Variants in PRKAR1A observed in about 807,000 individuals in gnomAD.
The protein encoded by PRKAR1A is protein kinase cAMP-dependent type I regulatory subunit alpha.
In PRKAR1A, 3 loss-of-function variants were observed where a neutral mutation model predicts 52.0. That is an observed-to-expected ratio of 0.06 (90% confidence interval 0.03 to 0.15). The LOEUF (loss-of-function observed/expected upper bound fraction) is 0.15, where lower values mean the gene tolerates loss of function less well. Ranked by LOEUF, PRKAR1A falls within the 10% of genes least tolerant of loss-of-function variation. The pLI, the probability that PRKAR1A is intolerant of heterozygous loss-of-function variation, is 1.00. For missense variants in PRKAR1A, 240 were observed against 477.4 expected (o/e 0.50, Z 4.63); for synonymous variants, 188 against 168.4 (o/e 1.12, Z -0.90).
chr17:68,531,822 T>C lies in PRKAR1A; in HGVS notation c.*1373T>C. On this transcript the variant is annotated 3_prime_UTR_variant, in exon 11 of 11. Coordinates refer to ENST00000589228, the MANE Select transcript of PRKAR1A (RefSeq NM_002734.5). The stretch of plus-strand genomic sequence containing the variant: ...GATACCCAACAGTTTATTTTTATTA[T>C]TTTTTTAAACAAAATTTCACAGTTC... 2.0e-5 allele frequency: 21 copies of C among 1,034,696 alleles called. No homozygotes were observed. The highest frequency in any genetic ancestry group is 2.5e-5 in the Non-Finnish European group (21 of 851,042). 64.1% of individuals were successfully genotyped at this position (1,034,696 alleles called of 1,614,324 possible).
At chr17:68,495,418 A>G in the PRKAR1A span, among the ~76,000 whole-genome samples, 1 of 151,766 alleles carries the variant, frequency 6.6e-6, no homozygotes, top group African/African-American at 2.4e-5. Flanking sequence ...TATTTATTCC[A>G]TTTGCCTGGA....
chr17:68,525,706 GTGTT>G, intron 6 of PRKAR1A, 44 bp from the exon 7 acceptor site: 1 of 1,589,038 alleles, frequency 6.3e-7, no homozygotes, highest in South Asian at 1.1e-5. Context: ...TAACATTTAA[GTGTT>G]TGTATCTAGA....
chr17:68,459,237 C>T, the PRKAR1A span, among the ~76,000 whole-genome samples: 3 of 152,186 alleles, frequency 2.0e-5, no homozygotes, highest in Non-Finnish European at 2.9e-5. Context: ...ATCAAAGGTG[C>T]TTCCCCCCAC....
chr17:68,489,235 G>GTATA, the PRKAR1A span, among the ~76,000 whole-genome samples: 24 of 10,092 alleles, frequency 2.4e-3, 2 homozygotes, highest in East Asian at 0.012. Flanking sequence ...TATATGGAAA[G>GTATA]TATATATATA....
At chr17:68,490,522 G>A in the PRKAR1A span, among the ~76,000 whole-genome samples, 1 of 152,164 alleles carries the variant, frequency 6.6e-6, no homozygotes, top group East Asian at 1.9e-4. Context: ...GGGAGTGTTG[G>A]GTTCCATGGC....
At chr17:68,514,703 G>GT (rs374164621) in intron 1 of PRKAR1A, 98 of 152,294 alleles carry the variant, frequency 6.4e-4, no homozygotes, top group African/African-American at 2.1e-3. Context: ...AGTTTATGTG[G>GT]TAAGAATTCT....
At chr17:68,528,829 C>T (rs2085874258) in intron 8 of PRKAR1A, 41 bp from the exon 9 acceptor site, 1 of 1,611,154 alleles carries the variant, frequency 6.2e-7, no homozygotes, top group Non-Finnish European at 8.5e-7. Context: ...TATAACAGCA[C>T]CAAATAATAC....
the PRKAR1A span, among the ~76,000 whole-genome samples, chr17:68,433,760 GTT>G: frequency 1.9e-3 from 135 of 72,826 alleles, 4 homozygotes; most frequent in African/African-American, 6.7e-3. Flanking sequence ...AAGGGTCATA[GTT>G]TTTTTTTTTT....
chr17:68,543,597 G>A, intron 11 of PRKAR1A: 1 of 1,594,794 alleles, frequency 6.3e-7, no homozygotes, highest in Non-Finnish European at 8.6e-7. Flanking sequence ...GGTCCTTATA[G>A]GCAATGCCAT....
chr17:68,427,063 G>A, the PRKAR1A span: 1 of 1,269,054 alleles, frequency 7.9e-7, no homozygotes, highest in Non-Finnish European at 1.1e-6. Context: ...GGGAAGGGGA[G>A]GGAGCGTGCA....
the PRKAR1A span, chr17:68,457,498 G>T: frequency 7.9e-7 from 1 of 1,263,584 alleles, no homozygotes; most frequent in Non-Finnish European, 1.0e-6. Flanking sequence ...CGGCTCCACG[G>T]GCCGGGTCGC....
At position 68,527,848 on chromosome 17, in the gene PRKAR1A, A is replaced by G. The variant is rs138919971; in HGVS notation, c.717A>G (p.Thr239=). The G allele has an allele frequency of 2.5e-6, 4 of 1,611,394 alleles. No individual in the cohort carries two copies. Among genetic ancestry groups the G allele is most frequent in the Non-Finnish European group, 3.4e-6 (4 of 1,177,930 alleles). The change falls in exon 8 of 11, where the codon ACA becomes ACG. Residue 239 remains threonine (T), a synonymous_variant. Coordinates refer to ENST00000589228, the MANE Select transcript of PRKAR1A (RefSeq NM_002734.5). ...GTTATTTTTATTTTTAGGGAAGCAC[A>G]CTGAGAAAGCGGAAGATGTATGAGG... is the stretch of plus-strand genomic sequence containing the variant. ...DSYRRILMGS[T]LRKRKMYEEF...
At chr17:68,417,215 C>T in the PRKAR1A span, among the ~76,000 whole-genome samples, 1 of 152,164 alleles carries the variant, frequency 6.6e-6, no homozygotes, top group African/African-American at 2.4e-5. Context: ...GCTAGAGTGG[C>T]TAGAGCTGGG....
At chr17:68,533,741 ATCTG>A (rs928272581), downstream of PRKAR1A, among the ~76,000 whole-genome samples, 24 of 152,218 alleles carry the variant, frequency 1.6e-4, no homozygotes, top group Admixed American at 3.3e-4. Flanking sequence ...CTATTTATCG[ATCTG>A]TCTATCTAAG....
At position 68,530,498 on chromosome 17, in the gene PRKAR1A, A is replaced by G. The variant is rs763255037; in HGVS notation, c.*49A>G. 7.4e-6 allele frequency: 12 copies of G among 1,613,620 alleles called. No homozygotes were observed. The South Asian group carries it at 1.3e-4, about 18-fold the overall frequency. On this transcript the variant is annotated 3_prime_UTR_variant, in exon 11 of 11. Coordinates refer to ENST00000589228, the MANE Select transcript of PRKAR1A (RefSeq NM_002734.5). ...TTCTCCTCTCCCCAATCCATGCTTC[A>G]CTCATGCAAACTGCTTTATTTTCCC...
At chr17:68,450,580 A>C in the PRKAR1A span, 1 of 1,091,570 alleles carries the variant, frequency 9.2e-7, no homozygotes, top group African/African-American at 1.6e-5. Flanking sequence ...CTCTGTTTAC[A>C]ATACCCCCGG....
rs3214285 is a variant in PRKAR1A, at chr17:68,540,071, CAG to C, written c.973+10071_973+10072del. 0.22 allele frequency: 209,407 copies of C among 958,812 alleles called. 24,391 individuals carry two copies. Among genetic ancestry groups the C allele is most frequent in the South Asian group, 0.27 (19,557 of 73,436 alleles). 59.4% of individuals were successfully genotyped at this position (958,812 alleles called of 1,614,324 possible). A position where few individuals can be genotyped will look rare whatever the true frequency, so the allele number is the denominator to read the frequency against. On this transcript the variant is annotated intron_variant, in intron 11 of 11. Transcript: ENST00000585981. ...CGGAGGCCTGTCATCACTTGAGAGA[CAG>C]GGGTGTGAACGAAGCTGGGCCTCAC...
intron 11 of PRKAR1A, chr17:68,540,069 GAC>G (rs1425834637): frequency 9.0e-6 from 9 of 996,648 alleles, no homozygotes; most frequent in East Asian, 5.0e-5. Flanking sequence ...TCACTTGAGA[GAC>G]AGGGGTGTGA....
At chr17:68,430,724 A>ACTT in the PRKAR1A span, among the ~76,000 whole-genome samples, 1 of 152,136 alleles carries the variant, frequency 6.6e-6, no homozygotes, top group Non-Finnish European at 1.5e-5. Context: ...CAGTCATGGA[A>ACTT]CTTCATCCCA....
Sources: gnomAD v4.1 joint callset for allele counts (sites outside exome capture counted in the v4.1 genomes callset) on GRCh38, gnomAD v4.1.1 for gene constraint, MANE v1.5 for transcripts, NCBI Gene and HGNC (gene_info 2026-07-23, HGNC 2026-07-21) for gene names.